The following BBS12 variants were observed in gnomAD, a reference collection of about 807,000 sequenced individuals.
BBS12 encodes the protein Bardet-Biedl syndrome 12, also known as chaperonin-containing T-complex member BBS12.
Under a neutral mutation model 5.6 loss-of-function variants are expected in BBS12, and 5 were observed. The observed-to-expected ratio is 0.89, with a 90% CI of 0.46 to 1.86. BBS12 has a LOEUF of 1.86. BBS12 is among the 40% of genes most tolerant of loss of function. BBS12 has a pLI of 0.01. For synonymous variants in BBS12, 308 were observed against 306.8 expected (o/e 1.00, Z -0.04); for missense variants, 748 against 830.4 (o/e 0.90, Z 1.22).
chr4:122,723,204 C>G, the BBS12 span, among the ~76,000 whole-genome samples: 2 of 152,112 alleles, frequency 1.3e-5, no homozygotes, highest in Non-Finnish European at 2.9e-5. Flanking sequence ...AGGTTCTATC[C>G]TTGTAGAAAT....
chr4:122,729,966 T>G (rs903814200), upstream of BBS12: 4 of 151,996 alleles, frequency 2.6e-5, no homozygotes, highest in Non-Finnish European at 5.9e-5. Flanking sequence ...ATAAATAAAA[T>G]TTTTTAAAAA....
intron 1 of BBS12, 104 bp from the exon 2 acceptor site, chr4:122,741,779 T>C: frequency 1.1e-6 from 1 of 940,308 alleles, no homozygotes; most frequent in Non-Finnish European, 1.6e-6. Context: ...ATGGAAATTA[T>C]ATGTACCTCA....
In BBS12 at chr4:122,743,014, G is replaced by C. The variant is rs773689410; in HGVS notation, c.1122G>C (p.Lys374Asn). The change falls in exon 2 of 2, where the codon AAG becomes AAC. Residue 374 changes from lysine (K) to asparagine (N), a missense_variant. By Grantham distance (94) the Lys-to-Asn change is moderately conservative. Coordinates refer to ENST00000314218, the MANE Select transcript of BBS12 (RefSeq NM_152618.3). ...ATTACCGCCACCTGGGATTTAATAA[G>C]TCTGCAAATATTAAAACAGTATTAG... The part of the protein sequence containing the change: ...TENYRHLGFN[K>N]SANIKTVLDS... 4 of 1,614,102 alleles carry C rather than the reference G, an allele frequency of 2.5e-6. No homozygotes were observed. Among genetic ancestry groups the C allele is most frequent in the Non-Finnish European group, 3.4e-6 (4 of 1,180,054 alleles).
At chr4:122,720,137 A>C in the BBS12 span, among the ~76,000 whole-genome samples, 1 of 152,236 alleles carries the variant, frequency 6.6e-6, no homozygotes, top group African/African-American at 2.4e-5. Flanking sequence ...TGAAGTAATC[A>C]GACAGGGAGC....
chr4:122,740,454 G>A (rs982942356), intron 1 of BBS12, among the ~76,000 whole-genome samples: 3 of 152,210 alleles, frequency 2.0e-5, no homozygotes, highest in Non-Finnish European at 4.4e-5. Context: ...ATCCATGGTT[G>A]TGTCTTGCTT....
chr4:122,723,512 C>A, the BBS12 span, among the ~76,000 whole-genome samples: 3 of 152,130 alleles, frequency 2.0e-5, no homozygotes, highest in African/African-American at 7.2e-5. Context: ...AATTTTTATC[C>A]ATTCTGGAAT....
the BBS12 span, among the ~76,000 whole-genome samples, chr4:122,716,745 G>GTA: frequency 6.7e-6 from 1 of 149,066 alleles, no homozygotes; most frequent in Non-Finnish European, 1.5e-5. Flanking sequence ...ACGTGTGTGT[G>GTA]TATATATATA....
At chr4:122,709,351 A>G in the BBS12 span, among the ~76,000 whole-genome samples, 2 of 152,178 alleles carry the variant, frequency 1.3e-5, no homozygotes, top group Admixed American at 6.5e-5. Flanking sequence ...TGAGAAATAA[A>G]GAAACTTGAT....
At position 122,743,446 on chromosome 4, in the gene BBS12, G is replaced by A. The variant is rs769108774; in HGVS notation, c.1554G>A (p.Arg518=). 9.9e-6 allele frequency: 16 copies of A among 1,614,056 alleles called. No homozygotes were observed. Among genetic ancestry groups the A allele is most frequent in the Non-Finnish European group, 1.4e-5 (16 of 1,180,044 alleles). ...CACAGATGCAAATCAAAGAAGATAG[G>A]TTCTGGACATGTGCCTATCGTTTGT... The part of the protein sequence containing the change: ...VTAQMQIKED[R]FWTCAYRLYY... The change falls in exon 2 of 2, where the codon AGG becomes AGA. Residue 518 remains arginine, a synonymous_variant. Transcript: ENST00000314218.
chr4:122,706,498 G>A, the BBS12 span, among the ~76,000 whole-genome samples: 3 of 152,244 alleles, frequency 2.0e-5, no homozygotes, highest in Admixed American at 6.5e-5. Context: ...CTTCTTGGGA[G>A]GCTGAGGCAA....
the BBS12 span, among the ~76,000 whole-genome samples, chr4:122,712,458 TA>T: frequency 6.6e-6 from 1 of 152,198 alleles, no homozygotes; most frequent in South Asian, 2.1e-4. Flanking sequence ...AAAAGCTAAT[TA>T]CTATTGGCAT....
At chr4:122,716,727 A>G in the BBS12 span, among the ~76,000 whole-genome samples, 11,341 of 74,308 alleles carry the variant, frequency 0.15, 2,049 homozygotes, top group African/African-American at 0.28. Flanking sequence ...GTGTGTATAT[A>G]CACACACACG....
rs1346708631 is a variant in BBS12 at position 122,742,425 on chromosome 4, A to G, written c.533A>G (p.Asp178Gly). Residue 178 changes from aspartate (D) to glycine (G), a missense_variant, in exon 2 of 2, where the codon GAT (aspartate) becomes GGT (glycine). Asp to Gly is a moderately conservative substitution (Grantham distance 94). Coordinates refer to ENST00000314218, the MANE Select transcript of BBS12 (RefSeq NM_152618.3). Reference sequence around the variant, plus strand: ...ATAGAGGAATTGCATGGTCTCAAAGATGTTGCCTCTCAAACACTGACCATT... The same window carrying G: ...ATAGAGGAATTGCATGGTCTCAAAGGTGTTGCCTCTCAAACACTGACCATT... ...DLIEELHGLK[D>G]VASQTLTISN... The G allele has an allele frequency of 1.2e-6, 2 of 1,614,090 alleles. No homozygotes were observed. Among genetic ancestry groups the G allele is most frequent in the African/African-American group, 2.7e-5 (2 of 74,940 alleles).
chr4:122,719,089 G>T, the BBS12 span, among the ~76,000 whole-genome samples: 4 of 152,174 alleles, frequency 2.6e-5, no homozygotes, highest in Admixed American at 1.3e-4. Context: ...AAAGCACTGG[G>T]ATTATAGGCG....
rs2150736114 is a variant in BBS12, at chr4:122,742,248, G to A, written c.356G>A (p.Gly119Asp). The A allele has an allele frequency of 9.3e-6, 15 of 1,613,768 alleles. No individual in the cohort carries two copies. The highest frequency in any genetic ancestry group is 1.3e-5 in the Non-Finnish European group (15 of 1,180,000). ...ATAATAGTATCAGTAATGTCAGAAGGCTTAAACTTTTGTAGTGAAGAGGTA... is the reference window on the plus strand; with the variant it reads ...ATAATAGTATCAGTAATGTCAGAAGACTTAAACTTTTGTAGTGAAGAGGTA... ...ISIIVSVMSE[G>D]LNFCSEEVVS... Residue 119 changes from glycine to aspartate, a missense_variant, in exon 2 of 2, where the codon GGC becomes GAC. Transcript: ENST00000314218.
chr4:122,710,408 C>T, the BBS12 span, among the ~76,000 whole-genome samples: 2 of 152,194 alleles, frequency 1.3e-5, no homozygotes, highest in Admixed American at 1.3e-4. Flanking sequence ...CTTTCTTTTC[C>T]CAAGATAATG....
the BBS12 span, among the ~76,000 whole-genome samples, chr4:122,713,855 T>C: frequency 6.6e-6 from 1 of 152,234 alleles, no homozygotes; most frequent in Non-Finnish European, 1.5e-5. Context: ...TTGGGATTTT[T>C]AAGTTCTTCC....
rs1800913252 is a variant in BBS12, at chr4:122,743,084, A to G, written c.1192A>G (p.Asn398Asp). 1 of 1,614,270 alleles carries G rather than the reference A, an allele frequency of 6.2e-7. No individual in the cohort carries two copies. Among genetic ancestry groups the G allele is most frequent in the Non-Finnish European group, 8.5e-7 (1 of 1,180,048 alleles). Residue 398 changes from asparagine (N) to aspartate (D), a missense_variant, in exon 2 of 2, where the codon AAT (asparagine) becomes GAT (aspartate). Physicochemically the swap from Asn to Asp is conservative, Grantham distance 23 (BLOSUM62 1). Coordinates refer to ENST00000314218, the MANE Select transcript of BBS12 (RefSeq NM_152618.3). ...AGACAGCTCAGAAGAACTGTGGGCA[A>G]ATCACGTGTTACAGGTGTTAATCCA... ...QEDSSEELWA[N>D]HVLQVLIQFK...
the BBS12 span, among the ~76,000 whole-genome samples, chr4:122,721,674 G>T: frequency 6.6e-6 from 1 of 152,238 alleles, no homozygotes; most frequent in African/African-American, 2.4e-5. Context: ...ACTATGTCCA[G>T]AACACCAAAA....
Sources: gnomAD v4.1 joint callset for allele counts (sites outside exome capture counted in the v4.1 genomes callset) on GRCh38, gnomAD v4.1.1 for gene constraint, MANE v1.5 for transcripts, NCBI Gene and HGNC (gene_info 2026-07-23, HGNC 2026-07-21) for gene names.